The following CACHD1 variants were observed in gnomAD, a reference collection of about 807,000 sequenced individuals.
CACHD1 encodes cache domain containing 1.
CACHD1 carries 71 observed loss-of-function variants against 138.7 expected under a neutral mutation model. That is an observed-to-expected ratio of 0.51 (90% CI 0.42 to 0.62). The LOEUF is 0.62. CACHD1 is among the 20% of genes least tolerant of loss of function. The probability of loss-of-function intolerance (pLI) is 0.00; values close to 1 mark genes in which losing one functional copy is unlikely to be tolerated. For missense variants in CACHD1, 1,389 were observed against 1,625.3 expected (o/e 0.85, Z 2.50); for synonymous variants, 578 against 591.5 (o/e 0.98, Z 0.33).
At chr1:64,519,692 A>G (rs1000319603) in intron 1 of CACHD1, among the ~76,000 whole-genome samples, 2 of 28,720 alleles carry the variant, frequency 7.0e-5, no homozygotes, top group African/African-American at 9.3e-5. Context: ...AAGCCAAAAA[A>G]CTTGATGTTT....
intron 2 of CACHD1, among the ~76,000 whole-genome samples, chr1:64,572,530 C>T (rs1358482232): frequency 6.6e-6 from 1 of 152,120 alleles, no homozygotes; most frequent in Non-Finnish European, 1.5e-5. Context: ...CAGTGACTCT[C>T]CTGCAATACC....
At chr1:64,658,405 C>T (rs1412877430) in intron 12 of CACHD1, among the ~76,000 whole-genome samples, 3 of 152,180 alleles carry the variant, frequency 2.0e-5, no homozygotes, top group African/African-American at 7.2e-5. Context: ...CATTAACCCA[C>T]ATTAGCAAAA....
chr1:64,610,263 G>C (rs552985637), intron 4 of CACHD1, among the ~76,000 whole-genome samples: 16 of 152,206 alleles, frequency 1.1e-4, no homozygotes, highest in Admixed American at 6.5e-4. Context: ...CAAAACTAAT[G>C]TCCTGACAAT....
intron 25 of CACHD1, among the ~76,000 whole-genome samples, chr1:64,681,554 T>TGTTGTTG: frequency 6.8e-6 from 1 of 147,978 alleles, no homozygotes; most frequent in African/African-American, 2.5e-5. Flanking sequence ...TTTTTTTTTT[T>TGTTGTTG]TTTTTTTTTT....
chr1:64,617,038 G>T (rs1203973053), intron 4 of CACHD1, among the ~76,000 whole-genome samples: 1 of 150,782 alleles, frequency 6.6e-6, no homozygotes, highest in Non-Finnish European at 1.5e-5. Flanking sequence ...CAAAGACAGA[G>T]AAAGAAGTGA....
intron 2 of CACHD1, among the ~76,000 whole-genome samples, chr1:64,577,006 C>T (rs571593272): frequency 2.0e-5 from 3 of 151,866 alleles, no homozygotes; most frequent in Admixed American, 6.6e-5. Context: ...TGCAGTGGCA[C>T]GATCAAGGCT....
At chr1:64,566,151 T>C (rs1007131322) in intron 2 of CACHD1, among the ~76,000 whole-genome samples, 14 of 152,168 alleles carry the variant, frequency 9.2e-5, no homozygotes, top group African/African-American at 3.4e-4. Context: ...CAGTTTATCA[T>C]GTAGGACATA....
chr1:64,647,705 A>C (rs2100672515), intron 8 of CACHD1, 96 bp from the exon 9 acceptor site: 2 of 970,560 alleles, frequency 2.1e-6, no homozygotes, highest in Non-Finnish European at 1.6e-6. Flanking sequence ...GTATTACAAG[A>C]CCTCATCCAT....
rs150606394 is a variant in CACHD1, at chr1:64,595,807, C to T, written c.411-6999C>T. 5.9e-5 allele frequency among the ~76,000 whole-genome samples: 9 copies of T among 152,114 alleles called. No homozygotes were observed. In the East Asian group the frequency reaches 1.7e-3, roughly 29 times the overall value. On this transcript the variant is annotated intron_variant, in intron 3 of 26. Coordinates refer to ENST00000651257, the MANE Select transcript of CACHD1 (RefSeq NM_020925.4). ...ATAATCTGTTGTGGTAGGGAAATGG[C>T]GAAAAAGAAATATGGTTGGTCTGTG... is the stretch of plus-strand genomic sequence containing the variant.
intron 1 of CACHD1, among the ~76,000 whole-genome samples, chr1:64,549,115 C>T (rs1312251616): frequency 1.3e-5 from 2 of 152,124 alleles, no homozygotes; most frequent in Non-Finnish European, 1.5e-5. Context: ...ACACATGAGG[C>T]ACAATATCTG....
At chr1:64,532,653 T>G (rs1272573836) in intron 1 of CACHD1, among the ~76,000 whole-genome samples, 1 of 152,074 alleles carries the variant, frequency 6.6e-6, no homozygotes, top group Non-Finnish European at 1.5e-5. Flanking sequence ...TCAAAGGGTG[T>G]GCATGATAGG....
intron 1 of CACHD1, among the ~76,000 whole-genome samples, chr1:64,523,850 AAG>A (rs1646516647): frequency 6.6e-6 from 1 of 152,086 alleles, no homozygotes; most frequent in Admixed American, 6.6e-5. Context: ...CTGTTTGTAG[AAG>A]AGACTTTCAC....
chr1:64,546,522 A>G (rs944953639), intron 1 of CACHD1, among the ~76,000 whole-genome samples: 7 of 151,856 alleles, frequency 4.6e-5, no homozygotes, highest in African/African-American at 1.7e-4. Flanking sequence ...TTTCATATAG[A>G]TGAGGTTTTG....
intron 6 of CACHD1, among the ~76,000 whole-genome samples, chr1:64,633,533 C>T (rs376542407): frequency 2.0e-4 from 31 of 152,202 alleles, no homozygotes; most frequent in African/African-American, 6.3e-4. Context: ...AAGGGAAAGC[C>T]GCTAGTGGCT....
At chr1:64,603,195 C>T (rs1647249081) in intron 4 of CACHD1, among the ~76,000 whole-genome samples, 1 of 150,368 alleles carries the variant, frequency 6.7e-6, no homozygotes, top group Admixed American at 6.6e-5. Flanking sequence ...AGCTCCGCCT[C>T]CCGGGTTCAC....
intron 24 of CACHD1, among the ~76,000 whole-genome samples, chr1:64,680,074 C>T (rs1650121838): frequency 6.6e-6 from 1 of 152,138 alleles, no homozygotes. Flanking sequence ...CTTGCAATTC[C>T]AAAAAGACAG....
In CACHD1 at chr1:64,544,535, G is replaced by C. The variant is rs1570352386; in HGVS notation, c.199-6059G>C. Among the ~76,000 whole-genome samples the C allele has an allele frequency of 5.3e-5, 8 of 152,206 alleles. 1 individual carries two copies. In the South Asian group the frequency reaches 1.7e-3, roughly 32 times the overall value. ...GGGAGGGTGGGTCAGTGGATGGAGA[G>C]AGGGAAGGACTAAGGTGCAGCCAGT... On this transcript the variant is annotated intron_variant, in intron 1 of 26. Transcript: ENST00000651257.
chr1:64,617,427 G>A (rs1452473702), intron 4 of CACHD1, among the ~76,000 whole-genome samples: 1 of 151,930 alleles, frequency 6.6e-6, no homozygotes, highest in African/African-American at 2.4e-5. Flanking sequence ...TAGATTCCCT[G>A]AACCCATGAC....
chr1:64,671,240 A>G (rs1343715614), intron 16 of CACHD1, among the ~76,000 whole-genome samples: 1 of 152,078 alleles, frequency 6.6e-6, no homozygotes, highest in African/African-American at 2.4e-5. Context: ...TGTAGTAGTC[A>G]TGCATCCAAC....
Sources: gnomAD v4.1 joint callset for allele counts (sites outside exome capture counted in the v4.1 genomes callset) on GRCh38, gnomAD v4.1.1 for gene constraint, MANE v1.5 for transcripts, NCBI Gene and HGNC (gene_info 2026-07-23, HGNC 2026-07-21) for gene names.